MED12L: variants seen among roughly 807,000 people sequenced by gnomAD.
MED12L encodes mediator of RNA polymerase II transcription subunit 12-like protein.
A neutral mutation model predicts 281.3 loss-of-function variants in MED12L; 60 were observed. That is an observed-to-expected ratio of 0.21 (90% CI 0.17 to 0.26). The LOEUF (loss-of-function observed/expected upper bound fraction) is 0.26. Among genes scored for constraint, MED12L ranks in the 10% least tolerant of loss-of-function variants. The pLI, the probability that MED12L is intolerant of heterozygous loss-of-function variation, is 1.00. For missense variants in MED12L, 2,146 were observed against 2,680.9 expected (o/e 0.80, Z 4.41); for synonymous variants, 974 against 987.2 (o/e 0.99, Z 0.25).
chr3:151,209,090 A>G (rs1421080144), intron 16 of MED12L, among the ~76,000 whole-genome samples: 2 of 152,254 alleles, frequency 1.3e-5, no homozygotes, highest in Non-Finnish European at 2.9e-5. Flanking sequence ...GAACACCTTC[A>G]AAAAGTAACA....
chr3:151,338,195 G>A, intron 16 of MED12L: 2 of 1,614,000 alleles, frequency 1.2e-6, no homozygotes, highest in Middle Eastern at 1.6e-4. Flanking sequence ...CGTATGACCG[G>A]TACAGTTCTT....
chr3:151,332,241 C>G (rs910952137), intron 16 of MED12L, among the ~76,000 whole-genome samples: 3 of 152,118 alleles, frequency 2.0e-5, no homozygotes, highest in African/African-American at 7.2e-5. Context: ...CAGTCCAAGG[C>G]CCAGTACCAT....
At chr3:151,147,000 A>G (rs1345475115) in intron 5 of MED12L, among the ~76,000 whole-genome samples, 1 of 152,198 alleles carries the variant, frequency 6.6e-6, no homozygotes, top group Non-Finnish European at 1.5e-5. Flanking sequence ...TTCATTCCCC[A>G]TGTGAACAGT....
chr3:151,405,208 A>C lies in MED12L; in HGVS notation c.5821-4035A>C, dbSNP rs190529018. 6.4e-4 allele frequency among the ~76,000 whole-genome samples: 97 copies of C among 152,324 alleles called. 1 individual carries two copies. Among genetic ancestry groups the C allele is most frequent in the East Asian group, 7.7e-4 (4 of 5,188 alleles). On this transcript the variant is annotated intron_variant, in intron 39 of 44. Transcript: ENST00000687756. ...AGAAAGTACATATTTATTTAATGTT[A>C]TATTTTGTTTATAGAGGTAAGCCCA...
intron 16 of MED12L, among the ~76,000 whole-genome samples, chr3:151,249,430 G>C (rs911327471): frequency 2.6e-5 from 4 of 152,176 alleles, no homozygotes; most frequent in African/African-American, 9.7e-5. Flanking sequence ...TTCAGTACCA[G>C]GGGAGGAGGC....
intron 16 of MED12L, among the ~76,000 whole-genome samples, chr3:151,304,130 G>A (rs1223145569): frequency 6.6e-6 from 1 of 152,126 alleles, no homozygotes; most frequent in Non-Finnish European, 1.5e-5. Context: ...AGTAATGATT[G>A]TAAGGTGAGG....
intron 11 of MED12L, among the ~76,000 whole-genome samples, chr3:151,176,757 G>C (rs1417650115): frequency 1.3e-5 from 2 of 152,122 alleles, no homozygotes; most frequent in South Asian, 2.1e-4. Flanking sequence ...ATAGTGTTGA[G>C]GCCAGCAGCC....
intron 39 of MED12L, among the ~76,000 whole-genome samples, chr3:151,403,509 C>T (rs1353181589): frequency 6.6e-6 from 1 of 152,208 alleles, no homozygotes; most frequent in African/African-American, 2.4e-5. Context: ...CTCAACGGAA[C>T]ACATCATCTC....
chr3:151,369,653 C>G (rs1755935141), intron 26 of MED12L, 104 bp downstream of exon 26: 1 of 698,716 alleles, frequency 1.4e-6, no homozygotes. Flanking sequence ...AAACATGATA[C>G]TGTTTGATCG....
intron 5 of MED12L, among the ~76,000 whole-genome samples, chr3:151,132,166 G>A (rs1374196385): frequency 6.6e-6 from 1 of 152,176 alleles, no homozygotes; most frequent in Non-Finnish European, 1.5e-5. Flanking sequence ...TTTTTAAAAT[G>A]TATGAATTTC....
intron 16 of MED12L, among the ~76,000 whole-genome samples, chr3:151,276,623 C>T (rs1429157130): frequency 6.6e-6 from 1 of 152,164 alleles, no homozygotes; most frequent in African/African-American, 2.4e-5. Flanking sequence ...GAGCCTTAGG[C>T]TTAGGGAAGC....
At chr3:151,278,670 T>C (rs1742302724) in intron 16 of MED12L, among the ~76,000 whole-genome samples, 1 of 152,196 alleles carries the variant, frequency 6.6e-6, no homozygotes, top group South Asian at 2.1e-4. Context: ...TTCTAACCTT[T>C]GCCATTGTCA....
chr3:151,264,444 C>T (rs1003919356), intron 16 of MED12L, among the ~76,000 whole-genome samples: 6 of 152,210 alleles, frequency 3.9e-5, no homozygotes, highest in African/African-American at 1.4e-4. Flanking sequence ...TTATTGAAAA[C>T]GCCTTATGGC....
chr3:151,395,178 G>C (rs1714804576), intron 39 of MED12L, among the ~76,000 whole-genome samples: 1 of 152,106 alleles, frequency 6.6e-6, no homozygotes, highest in Non-Finnish European at 1.5e-5. Flanking sequence ...CCTTCTCTGA[G>C]CCCTCATTTT....
intron 14 of MED12L, among the ~76,000 whole-genome samples, chr3:151,191,989 A>G (rs1485291744): frequency 2.6e-5 from 4 of 152,222 alleles, no homozygotes; most frequent in African/African-American, 9.6e-5. Context: ...TATACTTACA[A>G]TTAAAAACCT....
intron 3 of MED12L, among the ~76,000 whole-genome samples, chr3:151,119,281 A>G (rs573080125): frequency 1.3e-5 from 2 of 151,856 alleles, no homozygotes; most frequent in South Asian, 4.2e-4. Context: ...GTATTAATCT[A>G]CCAGGGCTGC....
intron 16 of MED12L, among the ~76,000 whole-genome samples, chr3:151,282,335 G>T (rs1349920720): frequency 6.6e-6 from 1 of 150,488 alleles, no homozygotes; most frequent in Non-Finnish European, 1.5e-5. Context: ...TATTTGCTGG[G>T]TTATATAATT....
At chr3:151,238,920 GACAA>G (rs1049064150) in intron 16 of MED12L, among the ~76,000 whole-genome samples, 1 of 152,158 alleles carries the variant, frequency 6.6e-6, no homozygotes, top group African/African-American at 2.4e-5. Context: ...TTGATCGAAT[GACAA>G]ACTAATAATT....
intron 20 of MED12L, among the ~76,000 whole-genome samples, chr3:151,359,366 G>A (rs899019451): frequency 6.6e-6 from 1 of 152,108 alleles, no homozygotes; most frequent in Admixed American, 6.6e-5. Flanking sequence ...CTAATTGGCA[G>A]CTTTTACCTG....
Sources: allele counts gnomAD v4.1 joint callset (sites outside exome capture counted in the v4.1 genomes callset), GRCh38; gene constraint gnomAD v4.1.1; transcripts MANE v1.5; gene names NCBI Gene and HGNC (gene_info 2026-07-23, HGNC 2026-07-21).